UBE2L3: variants seen among roughly 807,000 people sequenced by gnomAD.
UBE2L3 encodes ubiquitin conjugating enzyme E2 L3.
UBE2L3 carries 1 observed loss-of-function variant against 17.8 expected under a neutral mutation model. The ratio of observed to expected loss-of-function variants is 0.06; its 90% CI spans 0.02 to 0.27. The LOEUF (loss-of-function observed/expected upper bound fraction) is 0.27, where lower values mean the gene tolerates loss of function less well. UBE2L3 is among the 10% of genes least tolerant of loss of function. UBE2L3 has a pLI of 1.00. For missense variants in UBE2L3, 40 were observed against 192.6 expected, an observed-to-expected ratio of 0.21 and a Z score of 4.69; for synonymous variants, 44 against 68.5, an observed-to-expected ratio of 0.64 and a Z score of 1.76.
chr22:21,606,798 G>A (rs1929200837), intron 2 of UBE2L3, among the ~76,000 whole-genome samples: 2 of 152,168 alleles, frequency 1.3e-5, no homozygotes, highest in Non-Finnish European at 2.9e-5. Flanking sequence ...GCAGTGAACC[G>A]TGATTGCACC....
At chr22:21,587,833 G>A (rs924580256) in intron 1 of UBE2L3, among the ~76,000 whole-genome samples, 2 of 152,180 alleles carry the variant, frequency 1.3e-5, no homozygotes, top group African/African-American at 4.8e-5. Flanking sequence ...CAAGCTCTCT[G>A]GGGTTGAGTT....
intron 1 of UBE2L3, among the ~76,000 whole-genome samples, chr22:21,576,333 T>C (rs1365065497): frequency 6.6e-6 from 1 of 151,608 alleles, no homozygotes; most frequent in African/African-American, 2.4e-5. Context: ...AATCTTGCTC[T>C]GGCGCCCATG....
chr22:21,563,676 G>T (rs1439260020), upstream of UBE2L3, among the ~76,000 whole-genome samples: 1 of 147,114 alleles, frequency 6.8e-6, no homozygotes, highest in East Asian at 2.1e-4. Context: ...TCCCGGGTTC[G>T]AGCGATTCTC....
chr22:21,562,777 T>A (rs1335631260), upstream of UBE2L3, among the ~76,000 whole-genome samples: 1 of 148,366 alleles, frequency 6.7e-6, no homozygotes, highest in Admixed American at 6.8e-5. Context: ...GGTGCTGGGA[T>A]TACAGGCGTG....
At chr22:21,561,624 C>T (rs1347523523) in intron 1 of UBE2L3, among the ~76,000 whole-genome samples, 5 of 152,368 alleles carry the variant, frequency 3.3e-5, no homozygotes, top group African/African-American at 9.6e-5. Flanking sequence ...TGTCAGCTTA[C>T]CTAAGGGAGC....
chr22:21,619,020 A>C (rs1326276258), intron 3 of UBE2L3, among the ~76,000 whole-genome samples: 5 of 152,142 alleles, frequency 3.3e-5, no homozygotes, highest in Admixed American at 3.3e-4. Flanking sequence ...AGGTTTCTAA[A>C]ATGCTAATGC....
At chr22:21,603,836 C>CAAAA (rs903922965) in intron 2 of UBE2L3, among the ~76,000 whole-genome samples, 2 of 105,364 alleles carry the variant, frequency 1.9e-5, no homozygotes, top group African/African-American at 3.2e-5. Flanking sequence ...GACTCTGTCT[C>CAAAA]AAAAAAAAAA....
At position 21,612,386 on chromosome 22, in the gene UBE2L3, C is replaced by T. The variant is rs143969187; in HGVS notation, c.310+1343C>T. 2.9e-3 allele frequency among the ~76,000 whole-genome samples: 440 copies of T among 151,038 alleles called. 1 individual carries two copies. Among genetic ancestry groups the T allele is most frequent in the African/African-American group, 0.01 (423 of 41,082 alleles). The stretch of plus-strand genomic sequence containing the variant: ...CTGTCACCAGGCTGGAGTGCAGTGG[C>T]GCGATCTCTGCTCACTGCAACCTCC... On this transcript the variant is annotated intron_variant, in intron 3 of 3. Transcript: ENST00000342192.
chr22:21,608,738 TTAA>T (rs1929309563), intron 2 of UBE2L3, among the ~76,000 whole-genome samples: 1 of 140,130 alleles, frequency 7.1e-6, no homozygotes, highest in African/African-American at 2.6e-5. Context: ...GCTAATATAT[TTAA>T]TTTTTTTTTT....
At chr22:21,584,292 C>G (rs1017454804) in intron 1 of UBE2L3, among the ~76,000 whole-genome samples, 5 of 151,460 alleles carry the variant, frequency 3.3e-5, no homozygotes, top group Admixed American at 6.6e-5. Flanking sequence ...ATTCTTCTGC[C>G]TTAGCCTCCC....
At chr22:21,616,338 G>C (rs550170554) in intron 3 of UBE2L3, among the ~76,000 whole-genome samples, 1 of 152,104 alleles carries the variant, frequency 6.6e-6, no homozygotes, top group Admixed American at 6.6e-5. Context: ...ACTGAGAGTG[G>C]GTTTTCTTTT....
At chr22:21,571,861 TGGG>T (rs1201304248) in intron 1 of UBE2L3, among the ~76,000 whole-genome samples, 1 of 152,160 alleles carries the variant, frequency 6.6e-6, no homozygotes, top group Non-Finnish European at 1.5e-5. Context: ...ATTCTGAGGT[TGGG>T]TGATTAAGGA....
chr22:21,614,439 AAG>A, intron 3 of UBE2L3: 12 of 541,704 alleles, frequency 2.2e-5, no homozygotes, highest in South Asian at 3.3e-5. Flanking sequence ...AAAAAAAAAA[AAG>A]AAAGAAAGAA....
intron 3 of UBE2L3, among the ~76,000 whole-genome samples, chr22:21,620,287 G>A (rs554266606): frequency 5.9e-5 from 9 of 152,134 alleles, no homozygotes; most frequent in African/African-American, 2.2e-4. Flanking sequence ...TTAGCTGGAC[G>A]TGATGGCATG....
At position 21,590,734 on chromosome 22, in the gene UBE2L3, G is replaced by C. The variant is rs112435297; in HGVS notation, c.28-2127G>C. On this transcript the variant is annotated intron_variant, in intron 1 of 3. Coordinates refer to ENST00000342192, the MANE Select transcript of UBE2L3 (RefSeq NM_003347.4). ...TTAAGGGACGTGCATGGTATACCCT[G>C]TCCTTAGCCAAGAATCTTACTCTAG... 8.5e-4 allele frequency among the ~76,000 whole-genome samples: 130 copies of C among 152,274 alleles called. 3 individuals are homozygous for C. The highest frequency in any genetic ancestry group is 3.0e-3 in the African/African-American group (126 of 41,546).
chr22:21,585,149 T>C (rs1174881882), intron 1 of UBE2L3, among the ~76,000 whole-genome samples: 1 of 152,134 alleles, frequency 6.6e-6, no homozygotes, highest in Non-Finnish European at 1.5e-5. Context: ...GAGCAGCCCT[T>C]ATTTGATGTG....
intron 1 of UBE2L3, among the ~76,000 whole-genome samples, chr22:21,580,919 C>T (rs918276968): frequency 2.6e-4 from 40 of 151,848 alleles, no homozygotes; most frequent in Non-Finnish European, 2.8e-4. Context: ...TGCTCCGTTG[C>T]CCAGGCTGGA....
upstream of UBE2L3, among the ~76,000 whole-genome samples, chr22:21,564,989 G>A (rs188824697): frequency 2.2e-4 from 34 of 152,126 alleles, no homozygotes; most frequent in African/African-American, 7.2e-4. Flanking sequence ...AGGCAGAATC[G>A]CTGATCACAT....
chr22:21,605,300 C>G (rs368501796), intron 2 of UBE2L3, among the ~76,000 whole-genome samples: 1 of 152,152 alleles, frequency 6.6e-6, no homozygotes, highest in South Asian at 2.1e-4. Context: ...TCACTGCAGC[C>G]GGTGCCTCCT....
Sources: allele counts gnomAD v4.1 joint callset (sites outside exome capture counted in the v4.1 genomes callset), GRCh38; gene constraint gnomAD v4.1.1; transcripts MANE v1.5; gene names NCBI Gene and HGNC (gene_info 2026-07-23, HGNC 2026-07-21).